Variants in STIM1 observed in about 807,000 individuals in gnomAD.
STIM1 encodes stromal interaction molecule 1.
Under a neutral mutation model 74.7 loss-of-function variants are expected in STIM1, and 25 were observed. The observed-to-expected ratio is 0.33, with a 90% CI of 0.24 to 0.47. STIM1 has a LOEUF of 0.47. Among genes scored for constraint, STIM1 ranks in the 20% least tolerant of loss-of-function variants. The probability of loss-of-function intolerance (pLI) is 1.00; values close to 1 mark genes in which losing one functional copy is unlikely to be tolerated. For missense variants in STIM1, 728 were observed against 920.8 expected (o/e 0.79, Z 2.71); for synonymous variants, 328 against 348.8 (o/e 0.94, Z 0.66).
At chr11:4,000,752 T>C (rs1401447517) in intron 2 of STIM1, among the ~76,000 whole-genome samples, 1 of 152,072 alleles carries the variant, frequency 6.6e-6, no homozygotes, top group Non-Finnish European at 1.5e-5. Flanking sequence ...CTTTGATGAG[T>C]TGAGAGAAGA....
chr11:3,925,502 T>C (rs1237681174), intron 1 of STIM1, among the ~76,000 whole-genome samples: 1 of 152,244 alleles, frequency 6.6e-6, no homozygotes, highest in Non-Finnish European at 1.5e-5. Flanking sequence ...AATATGTTCC[T>C]GTTTTTCATT....
chr11:3,935,360 C>T (rs2092920147), intron 1 of STIM1, among the ~76,000 whole-genome samples: 2 of 152,216 alleles, frequency 1.3e-5, no homozygotes. Context: ...CTGCAAGGTG[C>T]TCTCTTCATT....
intron 7 of STIM1, among the ~76,000 whole-genome samples, chr11:4,075,637 A>G (rs1388486599): frequency 1.3e-5 from 2 of 151,998 alleles, no homozygotes; most frequent in African/African-American, 2.4e-5. Flanking sequence ...GTTGATAAAC[A>G]TTTGGGTTGT....
At chr11:4,036,176 G>A (rs2094100669) in intron 3 of STIM1, among the ~76,000 whole-genome samples, 1 of 152,272 alleles carries the variant, frequency 6.6e-6, no homozygotes, top group Non-Finnish European at 1.5e-5. Context: ...TCCCTGCAAA[G>A]GACATGATCT....
At chr11:3,921,920 G>C (rs1237418294) in intron 1 of STIM1, 1 of 152,146 alleles carries the variant, frequency 6.6e-6, no homozygotes, top group Admixed American at 6.6e-5. Context: ...ATGTGAGTGA[G>C]CCACCATGAA....
intron 1 of STIM1, among the ~76,000 whole-genome samples, chr11:3,880,129 G>A (rs544036135): frequency 1.2e-4 from 18 of 152,310 alleles, no homozygotes; most frequent in Admixed American, 3.3e-4. Flanking sequence ...TTGTTTGCTG[G>A]CCTCATGACC....
At chr11:3,982,490 C>T (rs1045947790) in intron 2 of STIM1, among the ~76,000 whole-genome samples, 1 of 152,206 alleles carries the variant, frequency 6.6e-6, no homozygotes, top group Non-Finnish European at 1.5e-5. Context: ...ACTTCTTTAA[C>T]TCGTACTACC....
At chr11:3,955,444 A>G (rs971787693) in intron 1 of STIM1, among the ~76,000 whole-genome samples, 5 of 152,180 alleles carry the variant, frequency 3.3e-5, no homozygotes, top group African/African-American at 1.2e-4. Flanking sequence ...CTATGATGAT[A>G]CAAGTCAGAA....
At chr11:3,941,632 G>GAGAC (rs2093007437) in intron 1 of STIM1, among the ~76,000 whole-genome samples, 1 of 144,902 alleles carries the variant, frequency 6.9e-6, no homozygotes, top group Non-Finnish European at 1.5e-5. Context: ...TATATATATA[G>GAGAC]AGAGATAGTG....
rs35236633 is a variant in STIM1, at chr11:3,894,905, A to ATTTTT, written c.139+38515_139+38519dup. ...AGGCATGTGCCACCACGCCTGGCTA[A>ATTTTT]TTTTTTTTTTTTTTTTTTTTTTTAG... On this transcript the variant is annotated intron_variant, in intron 1 of 12. Transcript: ENST00000526596. 1.6e-4 allele frequency among the ~76,000 whole-genome samples: 18 copies of ATTTTT among 113,204 alleles called. 1 individual carries two copies. Among genetic ancestry groups the ATTTTT allele is most frequent in the African/African-American group, 4.3e-4 (12 of 27,712 alleles). The allele number at this position is 113,204 out of a possible 152,430, so 74.3% of individuals were successfully genotyped here. A position where few individuals can be genotyped will look rare whatever the true frequency, so the allele number is the denominator to read the frequency against.
At chr11:4,020,428 G>T (rs768027935) in intron 2 of STIM1, among the ~76,000 whole-genome samples, 7 of 151,906 alleles carry the variant, frequency 4.6e-5, no homozygotes, top group African/African-American at 9.7e-5. Flanking sequence ...AGTGTGTAAG[G>T]GTTTCCCTTT....
intron 1 of STIM1, among the ~76,000 whole-genome samples, chr11:3,955,944 G>T (rs994274856): frequency 4.0e-5 from 6 of 151,034 alleles, no homozygotes; most frequent in African/African-American, 1.5e-4. Context: ...ATTTTTTACT[G>T]CTCCCTGTGC....
At chr11:4,011,898 G>A (rs1385632515) in intron 2 of STIM1, among the ~76,000 whole-genome samples, 1 of 152,160 alleles carries the variant, frequency 6.6e-6, no homozygotes, top group South Asian at 2.1e-4. Flanking sequence ...GTTAATTTTT[G>A]TATAAGGTGT....
At chr11:3,966,084 CT>C (rs1462527101) in intron 1 of STIM1, among the ~76,000 whole-genome samples, 1 of 152,202 alleles carries the variant, frequency 6.6e-6, no homozygotes, top group African/African-American at 2.4e-5. Flanking sequence ...ATATTATCAC[CT>C]GTGGCTTCTA....
Position 4,088,339 on chromosome 11 carries a change from C to CT in STIM1, c.1634+1804dup, listed in dbSNP as rs969775705. 1.2e-4 allele frequency among the ~76,000 whole-genome samples: 18 copies of CT among 152,092 alleles called. No individual in the cohort carries two copies. The East Asian group carries it at 1.5e-3, about 13-fold the overall frequency. Reference sequence around the variant, plus strand: ...GGGCTGCAGTCTGCTTACTCTGTTGCTTTTTTTTAGTTCTATCTCACTCTG... The same window carrying CT: ...GGGCTGCAGTCTGCTTACTCTGTTGCTTTTTTTTTAGTTCTATCTCACTCTG... On this transcript the variant is annotated intron_variant, in intron 12 of 12. Transcript: ENST00000526596.
At chr11:3,898,732 A>G (rs560086173) in intron 1 of STIM1, among the ~76,000 whole-genome samples, 1 of 151,114 alleles carries the variant, frequency 6.6e-6, no homozygotes, top group African/African-American at 2.4e-5. Context: ...CTTTCTACAT[A>G]TGGCTAGCCA....
intron 5 of STIM1, among the ~76,000 whole-genome samples, chr11:4,067,574 G>T (rs1275456927): frequency 6.6e-6 from 1 of 152,212 alleles, no homozygotes; most frequent in Non-Finnish European, 1.5e-5. Flanking sequence ...GTGAGAAAGT[G>T]TGGTGTAGCA....
intron 3 of STIM1, among the ~76,000 whole-genome samples, chr11:4,047,798 T>C (rs2094205261): frequency 6.7e-6 from 1 of 148,620 alleles, no homozygotes; most frequent in African/African-American, 2.5e-5. Context: ...CAAGCCTCGG[T>C]GGCAGAGCAA....
At chr11:4,052,890 A>C (rs1343755273) in intron 3 of STIM1, among the ~76,000 whole-genome samples, 1 of 152,248 alleles carries the variant, frequency 6.6e-6, no homozygotes, top group Non-Finnish European at 1.5e-5. Flanking sequence ...ACAAAGTTAC[A>C]AGAAAAAACC....
Sources: gnomAD v4.1 joint callset for allele counts (sites outside exome capture counted in the v4.1 genomes callset) on GRCh38, gnomAD v4.1.1 for gene constraint, MANE v1.5 for transcripts, NCBI Gene and HGNC (gene_info 2026-07-23, HGNC 2026-07-21) for gene names.